The following PLEKHA8 variants were observed in gnomAD, a reference collection of about 807,000 sequenced individuals.
PLEKHA8 encodes pleckstrin homology domain-containing family A member 8.
Under a neutral mutation model 68.2 loss-of-function variants are expected in PLEKHA8, and 36 were observed. That is an observed-to-expected ratio of 0.53 (90% CI 0.40 to 0.70). The LOEUF is 0.70. Among genes scored for constraint, PLEKHA8 ranks in the 30% least tolerant of loss-of-function variants. PLEKHA8 has a pLI of 0.00. For synonymous variants in PLEKHA8, 211 were observed against 216.1 expected, an observed-to-expected ratio of 0.98 and a Z score of 0.20; for missense variants, 505 against 615.4, an observed-to-expected ratio of 0.82 and a Z score of 1.90.
chr7:30,082,575 C>T lies in PLEKHA8; in HGVS notation c.*3788C>T. ...GGAGTGCAGCGGAAAAAAATTTGCA[C>T]TCTTCTCCTTTTGGTTATTACTTTC... On this transcript the variant is annotated 3_prime_UTR_variant, in exon 14 of 14. Transcript: ENST00000449726. 1.0e-6 allele frequency: 1 copy of T among 985,316 alleles called. No homozygotes were observed. Among genetic ancestry groups the T allele is most frequent in the Non-Finnish European group, 1.2e-6 (1 of 829,858 alleles). The allele number at this position is 985,316 out of a possible 1,614,324, so 61.0% of individuals were successfully genotyped here.
chr7:30,063,716 A>G (rs1393725988), intron 12 of PLEKHA8, among the ~76,000 whole-genome samples: 2 of 152,222 alleles, frequency 1.3e-5, no homozygotes, highest in Admixed American at 6.5e-5. Flanking sequence ...TGACATTTCT[A>G]TAGCACTTTG....
chr7:30,120,670 AC>A (rs1243033860), intron 13 of PLEKHA8, among the ~76,000 whole-genome samples: 1 of 152,242 alleles, frequency 6.6e-6, no homozygotes, highest in African/African-American at 2.4e-5. Context: ...TTTTAAAGTC[AC>A]CAGTCAGGTC....
downstream of PLEKHA8, among the ~76,000 whole-genome samples, chr7:30,094,170 C>A (rs1272699665): frequency 6.6e-6 from 1 of 152,196 alleles, no homozygotes; most frequent in Non-Finnish European, 1.5e-5. Flanking sequence ...TTAGACTGTT[C>A]ATAAATGTCA....
At chr7:30,115,557 T>G (rs1048821745) in intron 13 of PLEKHA8, among the ~76,000 whole-genome samples, 2 of 50,898 alleles carry the variant, frequency 3.9e-5, no homozygotes, top group East Asian at 8.3e-3. Context: ...CACGTATACA[T>G]GTAGACATAT....
intron 13 of PLEKHA8, among the ~76,000 whole-genome samples, chr7:30,101,275 G>T (rs954551469): frequency 1.3e-5 from 2 of 152,158 alleles, no homozygotes; most frequent in African/African-American, 4.8e-5. Flanking sequence ...AGACAATGCT[G>T]TTTAAGACAG....
intron 10 of PLEKHA8, 82 bp downstream of exon 10, chr7:30,061,024 T>A (rs755654914): frequency 1.2e-4 from 164 of 1,329,124 alleles, no homozygotes; most frequent in Non-Finnish European, 1.6e-4. Context: ...CCAGAATAAA[T>A]CAAAAAGTGA....
intron 13 of PLEKHA8, among the ~76,000 whole-genome samples, chr7:30,122,541 C>T (rs966003352): frequency 1.3e-5 from 2 of 152,162 alleles, no homozygotes; most frequent in African/African-American, 4.8e-5. Flanking sequence ...GAAATAAATA[C>T]CTTTTGCAGT....
intron 1 of PLEKHA8, among the ~76,000 whole-genome samples, chr7:30,041,035 A>G (rs1273969848): frequency 6.6e-6 from 1 of 152,130 alleles, no homozygotes; most frequent in East Asian, 1.9e-4. Context: ...TAAAATAGAA[A>G]CTGGATTAAT....
chr7:30,118,623 G>T (rs1281651475), intron 13 of PLEKHA8, among the ~76,000 whole-genome samples: 1 of 151,218 alleles, frequency 6.6e-6, no homozygotes. Flanking sequence ...TGTCGCCCAG[G>T]CTGGAGTGCA....
chr7:30,129,317 G>A lies in PLEKHA8; in HGVS notation c.*46G>A, dbSNP rs183218510. On this transcript the variant is annotated 3_prime_UTR_variant, in exon 14 of 14. Transcript: ENST00000396257. Reference sequence around the variant, plus strand: ...CTCCAGAAACCATCATGGACCATGAGGCAACTCTGAGGATGGAAGCCACAC... The same window carrying A: ...CTCCAGAAACCATCATGGACCATGAAGCAACTCTGAGGATGGAAGCCACAC... 12 of 1,612,772 alleles carry A rather than the reference G, an allele frequency of 7.4e-6. No individual in the cohort carries two copies. The African/African-American group carries it at 1.3e-4, about 18-fold the overall frequency.
In PLEKHA8 at chr7:30,051,396, GT is replaced by G. The variant is rs201885140; in HGVS notation, c.638+934del. Among the ~76,000 whole-genome samples, 184 of 144,290 alleles carry G rather than the reference GT, an allele frequency of 1.3e-3. 2 individuals carry two copies. The East Asian group carries it at 0.021, about 16-fold the overall frequency. The allele number at this position is 144,290 out of a possible 152,430, so 94.7% of individuals were successfully genotyped here. A position where few individuals can be genotyped will look rare whatever the true frequency, so the allele number is the denominator to read the frequency against. On this transcript the variant is annotated intron_variant, in intron 6 of 13. Transcript: ENST00000449726. ...TTTTGAATTACTAGGTTGAAATATG[GT>G]TTTTTTTTTTTAAGAAAATAGCAAA...
intron 13 of PLEKHA8, chr7:30,129,257 C>G (rs1216664733): frequency 1.2e-6 from 2 of 1,612,770 alleles, no homozygotes; most frequent in Non-Finnish European, 1.7e-6. Flanking sequence ...CTCTTTTATC[C>G]TGGTGTAGGT....
chr7:30,073,157 A>G (rs1409904006), intron 12 of PLEKHA8, among the ~76,000 whole-genome samples: 2 of 152,206 alleles, frequency 1.3e-5, no homozygotes, highest in African/African-American at 4.8e-5. Flanking sequence ...TGAAACATGA[A>G]TGGCTTTTAT....
rs568078535 is a variant in PLEKHA8, at chr7:30,065,407, C to T, written c.1300+2665C>T. Among the ~76,000 whole-genome samples, 30 of 152,190 alleles carry T rather than the reference C, an allele frequency of 2.0e-4. No individual in the cohort carries two copies. The East Asian group carries it at 5.6e-3, about 28-fold the overall frequency. ...TAAACCCACCCTCCCTCCAAAGTTC[C>T]CCTGTTAAACCCACCCTCCCCTCCC... On this transcript the variant is annotated intron_variant, in intron 12 of 13. Coordinates refer to ENST00000449726, the MANE Select transcript of PLEKHA8 (RefSeq NM_001197026.2).
intron 1 of PLEKHA8, among the ~76,000 whole-genome samples, chr7:30,037,501 G>A (rs952605288): frequency 2.0e-5 from 3 of 152,086 alleles, no homozygotes; most frequent in Admixed American, 6.5e-5. Context: ...TTTGTATTAG[G>A]ATAGGTTTTG....
chr7:30,061,586 A>G (rs1440176278), intron 10 of PLEKHA8, among the ~76,000 whole-genome samples: 1 of 152,242 alleles, frequency 6.6e-6, no homozygotes, highest in Non-Finnish European at 1.5e-5. Flanking sequence ...GTCTCATTAG[A>G]ACAAATGATT....
rs2127999173 is a variant in PLEKHA8 at position 30,078,868 on chromosome 7, C to T, written c.*81C>T. On this transcript the variant is annotated 3_prime_UTR_variant, in exon 14 of 14. Transcript: ENST00000449726. The stretch of plus-strand genomic sequence containing the variant: ...GCCCTACTTAATTTCCAGCAACAGC[C>T]TCAACCCTCTCCAACCCCTTCACCT... The T allele has an allele frequency of 1.3e-6, 2 of 1,513,354 alleles. No individual in the cohort carries two copies. The highest frequency in any genetic ancestry group is 1.8e-6 in the Non-Finnish European group (2 of 1,130,444). 93.7% of individuals were successfully genotyped at this position (1,513,354 alleles called of 1,614,324 possible).
At chr7:30,086,579 CA>C (rs1461678998), downstream of PLEKHA8, among the ~76,000 whole-genome samples, 1 of 152,154 alleles carries the variant, frequency 6.6e-6, no homozygotes, top group Non-Finnish European at 1.5e-5. Context: ...GAGGGTCCAG[CA>C]AAGGAGAACA....
chr7:30,055,141 C>G, intron 8 of PLEKHA8, 116 bp from the exon 9 acceptor site: 1 of 922,958 alleles, frequency 1.1e-6, no homozygotes, highest in Non-Finnish European at 1.7e-6. Context: ...TGGGGCATAT[C>G]AAGTCAAACG....
Sources: allele counts gnomAD v4.1 joint callset (sites outside exome capture counted in the v4.1 genomes callset), GRCh38; gene constraint gnomAD v4.1.1; transcripts MANE v1.5; gene names NCBI Gene and HGNC (gene_info 2026-07-23, HGNC 2026-07-21).